Variants in USP47 observed in about 807,000 individuals in gnomAD.
The protein encoded by USP47 is ubiquitin carboxyl-terminal hydrolase 47.
USP47 carries 35 observed loss-of-function variants against 165.1 expected under a neutral mutation model. The ratio of observed to expected loss-of-function variants is 0.21; its 90% CI spans 0.16 to 0.28. The LOEUF (loss-of-function observed/expected upper bound fraction) is 0.28. Among genes scored for constraint, USP47 ranks in the 10% least tolerant of loss-of-function variants. USP47 has a pLI of 1.00. For missense variants in USP47, 1,277 were observed against 1,607.4 expected, an observed-to-expected ratio of 0.79 and a Z score of 3.52; for synonymous variants, 531 against 544.5, an observed-to-expected ratio of 0.98 and a Z score of 0.35.
In USP47 at chr11:11,882,082, T is replaced by C. The variant is rs1259288763; in HGVS notation, c.243+1702T>C. Among the ~76,000 whole-genome samples the C allele has an allele frequency of 2.0e-5, 3 of 152,310 alleles. No homozygotes were observed. The East Asian group carries it at 5.8e-4, about 29-fold the overall frequency. On this transcript the variant is annotated intron_variant, in intron 2 of 27. Coordinates refer to ENST00000527733, the MANE Select transcript of USP47 (RefSeq NM_001282659.2). ...ATTCACCCTACATAATAGTTAGAAT[T>C]ATTTTCAGTCATCTAAAGTTGTAGC... is the stretch of plus-strand genomic sequence containing the variant.
chr11:11,948,723 C>A (rs1856017756), intron 22 of USP47, 165 bp downstream of exon 22: 1 of 579,896 alleles, frequency 1.7e-6, no homozygotes, highest in Non-Finnish European at 3.1e-6. Flanking sequence ...CAGTTACTCA[C>A]TTCTGCTATT....
At chr11:11,873,022 C>G (rs1263278206) in intron 1 of USP47, among the ~76,000 whole-genome samples, 1 of 152,092 alleles carries the variant, frequency 6.6e-6, no homozygotes, top group African/African-American at 2.4e-5. Context: ...GTTAAAAGTA[C>G]TCTCTCTGTA....
chr11:11,952,027 A>C (rs575103133), intron 24 of USP47: 37 of 152,356 alleles, frequency 2.4e-4, no homozygotes, highest in African/African-American at 7.9e-4. Flanking sequence ...ATAGTTGAGT[A>C]AGAAATGTCA....
chr11:11,852,437 C>T (rs1362673120), intron 1 of USP47, among the ~76,000 whole-genome samples: 1 of 152,150 alleles, frequency 6.6e-6, no homozygotes, highest in Non-Finnish European at 1.5e-5. Flanking sequence ...TTCTGGTGGG[C>T]TTCTGTGCTC....
chr11:11,902,151 T>G (rs1490494697), intron 5 of USP47, among the ~76,000 whole-genome samples: 1 of 152,176 alleles, frequency 6.6e-6, no homozygotes, highest in African/African-American at 2.4e-5. Flanking sequence ...TTTCCCTGAT[T>G]GCGTCATTTA....
chr11:11,911,450 G>C (rs1221581832), intron 8 of USP47, among the ~76,000 whole-genome samples: 1 of 152,030 alleles, frequency 6.6e-6, no homozygotes, highest in African/African-American at 2.4e-5. Context: ...AAATAAATCA[G>C]GAATGGCCAT....
intron 11 of USP47, among the ~76,000 whole-genome samples, chr11:11,928,495 A>G (rs555496904): frequency 3.9e-5 from 6 of 152,082 alleles, no homozygotes; most frequent in Non-Finnish European, 5.9e-5. Flanking sequence ...AGGCTCTACA[A>G]TGCTTTTTAG....
intron 1 of USP47, among the ~76,000 whole-genome samples, chr11:11,851,601 A>C (rs975153467): frequency 2.6e-5 from 4 of 152,230 alleles, no homozygotes; most frequent in Admixed American, 2.0e-4. Flanking sequence ...AATTAACCTT[A>C]GTATAATATT....
chr11:11,881,159 A>G (rs998834444), intron 2 of USP47, among the ~76,000 whole-genome samples: 13 of 152,048 alleles, frequency 8.5e-5, no homozygotes, highest in African/African-American at 3.1e-4. Context: ...GTGAATGCTG[A>G]TTAAACTTAC....
intron 1 of USP47, among the ~76,000 whole-genome samples, chr11:11,868,346 A>G (rs1166165436): frequency 6.6e-6 from 1 of 152,092 alleles, no homozygotes; most frequent in Non-Finnish European, 1.5e-5. Flanking sequence ...CTCCATTTCT[A>G]TACTTGGTCA....
At chr11:11,861,817 A>G (rs1849401572) in intron 1 of USP47, among the ~76,000 whole-genome samples, 4 of 152,164 alleles carry the variant, frequency 2.6e-5, no homozygotes, top group African/African-American at 9.6e-5. Context: ...GAGTGTTTTT[A>G]TAGTATATAA....
chr11:11,843,134 G>T (rs1332032776), intron 1 of USP47, among the ~76,000 whole-genome samples: 1 of 152,160 alleles, frequency 6.6e-6, no homozygotes, highest in Non-Finnish European at 1.5e-5. Flanking sequence ...ACAAGTGTTG[G>T]ATTGAAATTA....
At chr11:11,927,026 T>C (rs1055230259) in intron 11 of USP47, among the ~76,000 whole-genome samples, 1 of 151,960 alleles carries the variant, frequency 6.6e-6, no homozygotes, top group African/African-American at 2.4e-5. Context: ...CTTTTGCTAT[T>C]GATTTCTAGT....
At chr11:11,934,499 A>G (rs1427211309) in intron 16 of USP47, among the ~76,000 whole-genome samples, 2 of 152,154 alleles carry the variant, frequency 1.3e-5, no homozygotes, top group African/African-American at 4.8e-5. Context: ...ATACTGGTCC[A>G]TAGTCAGATG....
Position 11,950,002 on chromosome 11 carries a change from C to G in USP47, c.3462C>G (p.Asp1154Glu). The stretch of plus-strand genomic sequence containing the variant: ...AATGTGGTTTAGAGCTCAGTATTGA[C>G]AGGTAAAGTAAAATTAATGTCATCA... ...REQCGLELSIDRFRLRKKTWK... is the reference protein window; with the variant it reads ...REQCGLELSIERFRLRKKTWK... The change falls in exon 23 of 28, where the codon GAC (aspartate) becomes GAG (glutamate). Residue 1154 changes from aspartate (D) to glutamate (E), a missense_variant and splice_region_variant. By Grantham distance (45) the Asp-to-Glu change is conservative (BLOSUM62 2). Around this residue, in one of 4 missense-constraint regions of USP47, gnomAD observed 909 missense variants for 1,068.1 expected, o/e 0.85. Coordinates refer to ENST00000527733, the MANE Select transcript of USP47 (RefSeq NM_001282659.2). 1 of 1,599,820 alleles carries G rather than the reference C, an allele frequency of 6.3e-7. No homozygotes were observed. Among genetic ancestry groups the G allele is most frequent in the Non-Finnish European group, 8.5e-7 (1 of 1,170,018 alleles).
chr11:11,928,348 T>A (rs766127824), intron 11 of USP47, among the ~76,000 whole-genome samples: 2 of 152,122 alleles, frequency 1.3e-5, no homozygotes, highest in Non-Finnish European at 2.9e-5. Flanking sequence ...ATTTTAGTTT[T>A]AGGAATAAAA....
At chr11:11,884,366 C>A in intron 2 of USP47, 101 bp from the exon 3 acceptor site, 1 of 825,718 alleles carries the variant, frequency 1.2e-6, no homozygotes, top group Non-Finnish European at 1.8e-6. Context: ...TTTACCAGAT[C>A]ATTACTAAAA....
At chr11:11,904,692 C>A (rs1250811039) in intron 7 of USP47, among the ~76,000 whole-genome samples, 4 of 152,032 alleles carry the variant, frequency 2.6e-5, no homozygotes, top group Non-Finnish European at 5.9e-5. Context: ...AGTTACCTAC[C>A]GCCTTTGAGT....
chr11:11,870,403 G>C (rs894097742), intron 1 of USP47, among the ~76,000 whole-genome samples: 1 of 152,108 alleles, frequency 6.6e-6, no homozygotes, highest in Non-Finnish European at 1.5e-5. Context: ...AAACTCAAGA[G>C]AAGGAAAATG....
Sources: gnomAD v4.1 joint callset for allele counts (sites outside exome capture counted in the v4.1 genomes callset) on GRCh38, gnomAD v4.1.1 for gene constraint, gnomAD v4.1.1 regional missense constraint, MANE v1.5 for transcripts, NCBI Gene and HGNC (gene_info 2026-07-23, HGNC 2026-07-21) for gene names.